XPO6: variants seen among roughly 807,000 people sequenced by gnomAD.
The protein encoded by XPO6 is exportin-6.
A neutral mutation model predicts 130.0 loss-of-function variants in XPO6; 3 were observed. The ratio of observed to expected loss-of-function variants is 0.02; its 90% CI spans 0.01 to 0.06. The LOEUF (loss-of-function observed/expected upper bound fraction) is 0.06, where lower values mean the gene tolerates loss of function less well. XPO6 is among the 10% of genes least tolerant of loss of function. XPO6 has a pLI of 1.00. For synonymous variants in XPO6, 524 were observed against 548.9 expected (o/e 0.95, Z 0.63); for missense variants, 970 against 1,393.0 (o/e 0.70, Z 4.83).
At chr16:28,197,968 A>AC in intron 1 of XPO6, among the ~76,000 whole-genome samples, 1 of 108,208 alleles carries the variant, frequency 9.2e-6, no homozygotes, top group East Asian at 3.8e-4. Flanking sequence ...GTTTATTAAA[A>AC]AAAAAAAAAA....
chr16:28,121,884 A>C, intron 13 of XPO6, 122 bp from the exon 14 acceptor site: 1 of 640,786 alleles, frequency 1.6e-6, no homozygotes, highest in Non-Finnish European at 2.8e-6. Context: ...AAAAAGAATC[A>C]AGACCAGACT....
intron 4 of XPO6, among the ~76,000 whole-genome samples, chr16:28,170,517 A>G (rs2043432647): frequency 6.6e-6 from 1 of 152,190 alleles, no homozygotes; most frequent in African/African-American, 2.4e-5. Context: ...GATTCCTAAC[A>G]CAGCCTTTGT....
chr16:28,169,514 C>A (rs1353233306), intron 5 of XPO6, among the ~76,000 whole-genome samples: 1 of 152,202 alleles, frequency 6.6e-6, no homozygotes, highest in African/African-American at 2.4e-5. Flanking sequence ...CCTCACTGAT[C>A]ACAGTTACAG....
At position 28,187,344 on chromosome 16, in the gene XPO6, A is replaced by T. The variant is rs558479977; in HGVS notation, c.4-6313T>A. ...TTACATCTTGTGTCTTTGTCTTGTA[A>T]TCAGTACTACAGAATTTTGCCCTTG... is the stretch of plus-strand genomic sequence containing the variant. On this transcript the variant is annotated intron_variant, in intron 1 of 23. Transcript: ENST00000304658. Among the ~76,000 whole-genome samples, 29 of 152,266 alleles carry T rather than the reference A, an allele frequency of 1.9e-4. No homozygotes were observed. The South Asian group carries it at 6.0e-3, about 32-fold the overall frequency.
chr16:28,118,694 T>C (rs2087140270), intron 14 of XPO6, among the ~76,000 whole-genome samples: 1 of 152,238 alleles, frequency 6.6e-6, no homozygotes, highest in African/African-American at 2.4e-5. Flanking sequence ...ATTATTTTCA[T>C]TCAAACTGGT....
chr16:28,166,604 C>G lies in XPO6; in HGVS notation c.566-19G>C, dbSNP rs1406685802. 5 of 1,566,504 alleles carry G rather than the reference C, an allele frequency of 3.2e-6. No homozygotes were observed. In the African/African-American group the frequency reaches 5.4e-5, roughly 17 times the overall value. On this transcript the variant is annotated intron_variant, in intron 5 of 23. Coordinates refer to ENST00000304658, the MANE Select transcript of XPO6 (RefSeq NM_015171.4). ...AAGATACCTACCAAGAAAGGAGAAACAGAGTTATAAGAGAAATAATGTCCA... is the reference window on the plus strand; with the variant it reads ...AAGATACCTACCAAGAAAGGAGAAAGAGAGTTATAAGAGAAATAATGTCCA...
chr16:28,130,271 A>C (rs1455282231), intron 12 of XPO6, among the ~76,000 whole-genome samples: 2 of 152,370 alleles, frequency 1.3e-5, no homozygotes, highest in African/African-American at 4.8e-5. Flanking sequence ...AGTAGACAAG[A>C]ATCGCGGCTG....
intron 9 of XPO6, 91 bp downstream of exon 9, chr16:28,146,003 C>T: frequency 1.1e-6 from 1 of 941,992 alleles, no homozygotes; most frequent in South Asian, 1.5e-5. Flanking sequence ...CTCAGCTTCA[C>T]TGAAAAGGTC....
At position 28,106,176 on chromosome 16, in the gene XPO6, G is replaced by C. The variant is rs778055089; in HGVS notation, c.2651C>G (p.Thr884Arg). The change falls in exon 20 of 24, where the codon ACA becomes AGA. Residue 884 changes from threonine to arginine, a missense_variant. Physicochemically the swap from Thr to Arg is moderately conservative, Grantham distance 71. Coordinates refer to ENST00000304658, the MANE Select transcript of XPO6 (RefSeq NM_015171.4). The surrounding 1 kb of genome is among the most constrained non-coding windows in gnomAD (Gnocchi z 4.2). ...AAACTTCTCCACCACCCGGCAGCCT[G>C]TGCTGCCCTCGTGGAGGATGCTCTC... ...LAESILHEGS[T>R]GCRVVEKFLK... 1 of 1,614,188 alleles carries C rather than the reference G, an allele frequency of 6.2e-7. No individual in the cohort carries two copies. The highest frequency in any genetic ancestry group is 1.1e-5 in the South Asian group (1 of 91,086).
intron 7 of XPO6, among the ~76,000 whole-genome samples, chr16:28,154,925 T>A (rs2043160184): frequency 6.6e-6 from 1 of 152,198 alleles, no homozygotes; most frequent in African/African-American, 2.4e-5. Flanking sequence ...TGAATAATGA[T>A]GCCTTTGAAT....
At chr16:28,149,823 A>G (rs1298084823) in intron 8 of XPO6, among the ~76,000 whole-genome samples, 1 of 152,240 alleles carries the variant, frequency 6.6e-6, no homozygotes, top group African/African-American at 2.4e-5. Flanking sequence ...TAGAAACAAC[A>G]GGCAAGAATA....
chr16:28,121,699 T>C lies in XPO6; in HGVS notation c.1830A>G (p.Pro610=), dbSNP rs751856315. The C allele has an allele frequency of 3.1e-6, 5 of 1,614,056 alleles. No individual in the cohort carries two copies. In the Admixed American group the frequency reaches 8.3e-5, roughly 27 times the overall value. The change falls in exon 14 of 24, where the codon CCA becomes CCG. Residue 610 remains proline, a synonymous_variant. Transcript: ENST00000304658. ...IKLYNIETAV[P]SVLKPDLIDV... ...CAATGAGGTCAGGTTTCAATACTGA[T>C]GGCACAGCAGTTTCAATGTTGTACA...
chr16:28,121,792 C>CA (rs774127236), intron 13 of XPO6, 30 bp from the exon 14 acceptor site: 67 of 1,477,542 alleles, frequency 4.5e-5, no homozygotes, highest in Non-Finnish European at 5.7e-5. Flanking sequence ...TAAACAAGAA[C>CA]ATTCAGCTTA....
In XPO6 at chr16:28,194,977, C is replaced by T. The variant is rs574090832; in HGVS notation, c.4-13946G>A. On this transcript the variant is annotated intron_variant, in intron 1 of 23. Coordinates refer to ENST00000304658, the MANE Select transcript of XPO6 (RefSeq NM_015171.4). Reference sequence around the variant, plus strand: ...CACACCATTTCCTCTATCTAGAATGCTCCTGACTCCTCGAAAAGGTCCCCA... The same window carrying T: ...CACACCATTTCCTCTATCTAGAATGTTCCTGACTCCTCGAAAAGGTCCCCA... 4.4e-4 allele frequency among the ~76,000 whole-genome samples: 67 copies of T among 150,666 alleles called. 1 individual carries two copies. In the South Asian group the frequency reaches 0.014, roughly 31 times the overall value.
Position 28,133,952 on chromosome 16 carries a change from A to G in XPO6, c.1444-19T>C. ...TCTGCTGCTGTAGGGGAAGCACAGG[A>G]GAATCAGCTCTCCCAGAATCCTCTC... is the stretch of plus-strand genomic sequence containing the variant. On this transcript the variant is annotated intron_variant, in intron 10 of 23. Transcript: ENST00000304658. The G allele has an allele frequency of 6.2e-7, 1 of 1,613,122 alleles. No individual in the cohort carries two copies. Among genetic ancestry groups the G allele is most frequent in the South Asian group, 1.1e-5 (1 of 90,980 alleles).
At chr16:28,190,041 G>T (rs1213841537) in intron 1 of XPO6, among the ~76,000 whole-genome samples, 1 of 152,152 alleles carries the variant, frequency 6.6e-6, no homozygotes, top group Non-Finnish European at 1.5e-5. Context: ...TCCCACTGTG[G>T]CAGTGATAAC....
intron 6 of XPO6, chr16:28,165,315 T>C (rs1010025869): frequency 1.3e-5 from 2 of 152,244 alleles, no homozygotes; most frequent in Non-Finnish European, 2.9e-5. Flanking sequence ...ATCAAATCTC[T>C]GAATCATTTC....
At chr16:28,182,553 T>C (rs1275756064) in intron 1 of XPO6, among the ~76,000 whole-genome samples, 1 of 152,240 alleles carries the variant, frequency 6.6e-6, no homozygotes, top group African/African-American at 2.4e-5. Context: ...CTTTCTTCCC[T>C]GAACTTTGTA....
chr16:28,133,990 A>C, intron 10 of XPO6, 57 bp from the exon 11 acceptor site: 17 of 1,556,994 alleles, frequency 1.1e-5, no homozygotes, highest in Non-Finnish European at 1.5e-5. Flanking sequence ...CTTCCTTGCC[A>C]ACCTCAAGAC....
Sources: allele counts gnomAD v4.1 joint callset (sites outside exome capture counted in the v4.1 genomes callset), GRCh38; gene constraint gnomAD v4.1.1; non-coding constraint Gnocchi (gnomAD v3.1); transcripts MANE v1.5; gene names NCBI Gene and HGNC (gene_info 2026-07-23, HGNC 2026-07-21).